Variants in STXBP2 observed in about 807,000 individuals in gnomAD.
STXBP2 encodes the protein syntaxin-binding protein 2.
In STXBP2, 47 loss-of-function variants were observed where a neutral mutation model predicts 72.2. That is an observed-to-expected ratio of 0.65 (90% confidence interval 0.51 to 0.83). The LOEUF (loss-of-function observed/expected upper bound fraction) is 0.83. STXBP2 is among the 40% of genes least tolerant of loss of function. The pLI is 0.00. For missense variants in STXBP2, 702 were observed against 807.6 expected, an observed-to-expected ratio of 0.87 and a Z score of 1.58; for synonymous variants, 367 against 338.7, an observed-to-expected ratio of 1.08 and a Z score of -0.92.
chr19:7,639,977 T>C, intron 4 of STXBP2, 170 bp downstream of exon 4: 1 of 776,296 alleles, frequency 1.3e-6, no homozygotes, highest in Non-Finnish European at 2.2e-6. Context: ...TGTATGCATG[T>C]GTGTGCGTGT....
chr19:7,632,198 C>T, upstream of STXBP2: 1 of 846,872 alleles, frequency 1.2e-6, no homozygotes, highest in Non-Finnish European at 1.8e-6. The surrounding 1 kb of genome is among the most constrained non-coding windows in gnomAD (Gnocchi z 5.2). Context: ...AGCCATGGGT[C>T]TTACACTAGC....
In STXBP2 at chr19:7,647,810, A is replaced by AC; in HGVS notation, c.*4dup. The AC allele has an allele frequency of 6.2e-7, 1 of 1,612,546 alleles. No individual in the cohort carries two copies. Among genetic ancestry groups the AC allele is most frequent in the Non-Finnish European group, 8.5e-7 (1 of 1,179,312 alleles). On this transcript the variant is annotated 3_prime_UTR_variant, in exon 19 of 19. Coordinates refer to ENST00000221283, the MANE Select transcript of STXBP2 (RefSeq NM_006949.4). ...AGCTGGAGGACATTGCCCTGCCCTG[A>AC]CCCCTGGCCCCGCCCCCTACCCCTC... is the stretch of plus-strand genomic sequence containing the variant.
upstream of STXBP2, chr19:7,631,889 C>T (rs2031326019): frequency 1.5e-6 from 2 of 1,302,800 alleles, no homozygotes; most frequent in African/African-American, 1.5e-5. Flanking sequence ...AGAGAGGGTG[C>T]AGGTAGCCAC....
At chr19:7,631,035 C>T in the STXBP2 span, 1 of 791,908 alleles carries the variant, frequency 1.3e-6, no homozygotes, top group Non-Finnish European at 2.0e-6. Context: ...ATGGCGAAAC[C>T]CCATGTCTAC....
chr19:7,633,269 G>T (rs111973989), upstream of STXBP2: 22 of 926,276 alleles, frequency 2.4e-5, no homozygotes, highest in African/African-American at 2.5e-4. Context: ...AAGCCCACCA[G>T]CCCCTTTCTA....
chr19:7,635,903 G>GCCCCTGCTGC (rs1481204615), upstream of STXBP2, among the ~76,000 whole-genome samples: 3 of 152,060 alleles, frequency 2.0e-5, no homozygotes, highest in African/African-American at 7.2e-5. Flanking sequence ...CAGAAGTCTG[G>GCCCCTGCTGC]CCCCTGCTGC....
chr19:7,643,320 A>G, intron 13 of STXBP2, 75 bp downstream of exon 13: 1 of 1,198,896 alleles, frequency 8.3e-7, no homozygotes, highest in South Asian at 1.3e-5. Context: ...TGAACTGTAG[A>G]GATGGGGGGT....
At chr19:7,639,831 T>C (rs201211405) in intron 4 of STXBP2, 24 bp downstream of exon 4, 1 of 1,611,734 alleles carries the variant, frequency 6.2e-7, no homozygotes, top group Non-Finnish European at 8.5e-7. Flanking sequence ...TGAGCGTGTG[T>C]GTATGCGCGT....
the STXBP2 span, chr19:7,629,793 G>A: frequency 1.3e-6 from 2 of 1,536,992 alleles, no homozygotes; most frequent in Non-Finnish European, 1.7e-6. Context: ...CTGGAGGGTC[G>A]GCTTTGGGCG....
rs1261060049 is a variant in STXBP2 at position 7,637,191 on chromosome 19, G to A, written c.37+5G>A. 7 of 1,243,420 alleles carry A rather than the reference G, an allele frequency of 5.6e-6. No individual in the cohort carries two copies. The East Asian group carries it at 9.5e-5, about 17-fold the overall frequency. 77.0% of individuals were successfully genotyped at this position (1,243,420 alleles called of 1,614,324 possible). On this transcript the variant is annotated splice_donor_5th_base_variant and intron_variant, in intron 1 of 18. Transcript: ENST00000221283. The stretch of plus-strand genomic sequence containing the variant: ...TGAAGGCGGTGGTGGGGGAAAGTGA[G>A]TGCCTCTCCGGGGCCGGGCTCTGGC...
chr19:7,630,168 C>G, the STXBP2 span: 1 of 459,486 alleles, frequency 2.2e-6, no homozygotes, highest in Non-Finnish European at 3.9e-6. Context: ...CTCTCGGGCT[C>G]GTGGTGGGTG....
Position 7,642,733 on chromosome 19 carries a change from C to A in STXBP2, c.903-33C>A, listed in dbSNP as rs1393351931. ...ACCCATGGCCTGTGGCTCCTCTCCC[C>A]TCACTCTCACCCCCGCCCACCCTCA... On this transcript the variant is annotated intron_variant, in intron 10 of 18. Transcript: ENST00000221283. The surrounding 1 kb of genome is among the most constrained non-coding windows in gnomAD (Gnocchi z 6.0). 3.1e-6 allele frequency: 5 copies of A among 1,611,780 alleles called. No homozygotes were observed. The highest frequency in any genetic ancestry group is 3.4e-6 in the Non-Finnish European group (4 of 1,178,738).
rs146685108 is a variant in STXBP2 at position 7,646,288 on chromosome 19, A to T, written c.1396A>T (p.Met466Leu). Reference protein sequence around the residue: ...TSSRLEPRERMEPTYQLSRWT... With the variant: ...TSSRLEPRERLEPTYQLSRWT... ...CAGCCGGCTGGAGCCGAGAGAACGC[A>T]TGGAGCCCACCTATCAGCTGTCCCG... The change falls in exon 16 of 19, where the codon ATG becomes TTG. Residue 466 changes from methionine (M) to leucine (L), a missense_variant. Met to Leu is a conservative substitution (Grantham distance 15). Transcript: ENST00000221283. 3.1e-5 allele frequency: 50 copies of T among 1,611,564 alleles called. No individual in the cohort carries two copies. In the African/African-American group the frequency reaches 5.5e-4, roughly 18 times the overall value.
At chr19:7,639,189 G>A in intron 3 of STXBP2, 89 bp downstream of exon 3, 2 of 1,397,532 alleles carry the variant, frequency 1.4e-6, no homozygotes, top group Non-Finnish European at 2.0e-6. Context: ...TTGAGTGTAG[G>A]ATCCCCTCAA....
chr19:7,639,415 G>A (rs1474415611), intron 3 of STXBP2: 1 of 577,374 alleles, frequency 1.7e-6, no homozygotes, highest in African/African-American at 1.9e-5. Flanking sequence ...GGGGTCCCAA[G>A]AATGCAGAGC....
At chr19:7,632,109 C>T, upstream of STXBP2, 1 of 568,160 alleles carries the variant, frequency 1.8e-6, no homozygotes, top group East Asian at 2.9e-5. This position sits in a 1 kb window ranked among gnomAD's most constrained non-coding sequence, Gnocchi z 5.2. Context: ...CCCTGGGATA[C>T]TTTCCTAGGA....
chr19:7,646,691 G>A (rs2032151681), intron 16 of STXBP2: 6 of 413,786 alleles, frequency 1.5e-5, no homozygotes, highest in African/African-American at 6.1e-5. Flanking sequence ...GGCCTGGGGC[G>A]GCTTCCTGGC....
In STXBP2 at chr19:7,642,243, G is replaced by A. The variant is rs757488006; in HGVS notation, c.704G>A (p.Arg235Gln). 4 of 1,614,084 alleles carry A rather than the reference G, an allele frequency of 2.5e-6. No homozygotes were observed. The highest frequency in any genetic ancestry group is 1.7e-5 in the Admixed American group (1 of 60,026). ...KTRSQLLIMD[R>Q]AADPVSPLLH... ...CGCTCCCAGCTGCTGATAATGGACC[G>A]GGCAGCTGACCCCGTGTCCCCACTA... Residue 235 changes from arginine (R) to glutamine (Q), a missense_variant, in exon 9 of 19, where the codon CGG (arginine) becomes CAG (glutamine). By Grantham distance (43) the Arg-to-Gln change is conservative. Coordinates refer to ENST00000221283, the MANE Select transcript of STXBP2 (RefSeq NM_006949.4). The surrounding 1 kb of genome is among the most constrained non-coding windows in gnomAD (Gnocchi z 6.0).
intron 3 of STXBP2, 151 bp from the exon 4 acceptor site, chr19:7,639,580 C>G (rs2031703653): frequency 2.7e-6 from 2 of 732,130 alleles, no homozygotes; most frequent in Non-Finnish European, 2.4e-6. Context: ...TCGTGTGGCT[C>G]TTAGCTGGTG....
Sources: gnomAD v4.1 joint callset for allele counts (sites outside exome capture counted in the v4.1 genomes callset) on GRCh38, gnomAD v4.1.1 for gene constraint, Gnocchi (gnomAD v3.1) non-coding constraint, MANE v1.5 for transcripts, NCBI Gene and HGNC (gene_info 2026-07-23, HGNC 2026-07-21) for gene names.